Variants in NBAS observed in about 807,000 individuals in gnomAD.
NBAS encodes the protein NBAS subunit of NRZ tethering complex, also known as NAG/BC035112 fusion.
NBAS carries 219 observed loss-of-function variants against 302.5 expected under a neutral mutation model. The observed-to-expected ratio is 0.72, with a 90% CI of 0.65 to 0.81. NBAS has a LOEUF of 0.81. Ranked by LOEUF, NBAS falls within the 30% of genes least tolerant of loss-of-function variation. NBAS has a pLI of 0.00. For synonymous variants in NBAS, 1,118 were observed against 1,021.6 expected (o/e 1.09, Z -1.80); for missense variants, 2,932 against 2,841.6 (o/e 1.03, Z -0.72).
At chr2:15,084,858 A>T in the NBAS span, among the ~76,000 whole-genome samples, 2 of 152,234 alleles carry the variant, frequency 1.3e-5, no homozygotes, top group Non-Finnish European at 2.9e-5. Context: ...AACCACTTGA[A>T]AGGTATTCAT....
intron 4 of NBAS, 126 bp downstream of exon 4, chr2:15,553,935 G>A: frequency 1.5e-6 from 1 of 677,850 alleles, no homozygotes; most frequent in Admixed American, 2.4e-5. Flanking sequence ...CTAAATATTT[G>A]CAACAAAGAA....
At chr2:15,323,560 A>C (rs2148209828) in intron 38 of NBAS, among the ~76,000 whole-genome samples, 1 of 152,288 alleles carries the variant, frequency 6.6e-6, no homozygotes, top group East Asian at 1.9e-4. Flanking sequence ...TCTCTAGAAA[A>C]AACTTGATGT....
At chr2:15,389,761 T>C (rs980070278) in intron 28 of NBAS, among the ~76,000 whole-genome samples, 1 of 152,162 alleles carries the variant, frequency 6.6e-6, no homozygotes, top group Admixed American at 6.6e-5. Context: ...ACAAGTCTTT[T>C]TTGTTGTTGT....
rs750232040 is a variant in NBAS, at chr2:15,232,728, CAT to C, written c.6147-219_6147-218del. Among the ~76,000 whole-genome samples the C allele has an allele frequency of 1.1e-3, 165 of 152,304 alleles. 1 individual carries two copies. Among genetic ancestry groups the C allele is most frequent in the East Asian group, 1.5e-3 (8 of 5,178 alleles). On this transcript the variant is annotated intron_variant, in intron 46 of 51. Transcript: ENST00000281513. Reference sequence around the variant, plus strand: ...CTTAAGGAGCTCAGTCTAATATACACATGTTTTCCTATCAAGAGAATAACACA... The same window carrying C: ...CTTAAGGAGCTCAGTCTAATATACACGTTTTCCTATCAAGAGAATAACACA...
the NBAS span, among the ~76,000 whole-genome samples, chr2:15,160,948 A>G: frequency 1.3e-5 from 2 of 152,198 alleles, no homozygotes; most frequent in South Asian, 2.1e-4. Context: ...TCCTGGATAC[A>G]TGGGGTGGAT....
At chr2:15,198,450 A>G (rs1327844451) in intron 48 of NBAS, among the ~76,000 whole-genome samples, 1 of 152,168 alleles carries the variant, frequency 6.6e-6, no homozygotes, top group African/African-American at 2.4e-5. Context: ...GCATTTGGAC[A>G]TGTAGAGGTA....
Position 15,277,094 on chromosome 2 carries a change from T to C in NBAS, c.5146A>G (p.Thr1716Ala), listed in dbSNP as rs776640009. The C allele has an allele frequency of 3.7e-6, 6 of 1,613,546 alleles. No homozygotes were observed. The African/African-American group carries it at 8.0e-5, about 22-fold the overall frequency. The part of the protein sequence containing the change: ...EFLFTDSGLS[T>A]LEIENRAQDL... Reference sequence around the variant, plus strand: ...TGGGCTCTATTTTCAATTTCTAGTGTGGACAAACTGAAATTAAGAGCCAAA... The same window carrying C: ...TGGGCTCTATTTTCAATTTCTAGTGCGGACAAACTGAAATTAAGAGCCAAA... The change falls in exon 43 of 52, where the codon ACA becomes GCA. Residue 1716 changes from threonine to alanine, a missense_variant. Thr to Ala is a moderately conservative substitution (Grantham distance 58). Transcript: ENST00000281513.
the NBAS span, among the ~76,000 whole-genome samples, chr2:15,030,751 C>T: frequency 1.8e-3 from 268 of 152,322 alleles, no homozygotes; most frequent in African/African-American, 6.1e-3. Flanking sequence ...ATTGGGGTCA[C>T]ACATTCTTTG....
At chr2:15,258,384 G>A (rs534594211) in intron 44 of NBAS, among the ~76,000 whole-genome samples, 10 of 152,314 alleles carry the variant, frequency 6.6e-5, no homozygotes, top group Admixed American at 1.3e-4. Context: ...CTGACTGCCT[G>A]TGGGGTTGGG....
At chr2:15,187,546 T>G (rs1006402132) in intron 49 of NBAS, among the ~76,000 whole-genome samples, 7 of 152,144 alleles carry the variant, frequency 4.6e-5, no homozygotes, top group African/African-American at 9.7e-5. Flanking sequence ...TTTCCTTGTA[T>G]TGGAAACATA....
intron 47 of NBAS, among the ~76,000 whole-genome samples, chr2:15,225,357 C>T (rs1011285532): frequency 1.3e-5 from 2 of 152,084 alleles, no homozygotes; most frequent in African/African-American, 2.4e-5. Flanking sequence ...TGGATTGTGA[C>T]GACAGCTTTC....
intron 35 of NBAS, among the ~76,000 whole-genome samples, chr2:15,334,194 TTC>T (rs1185769289): frequency 1.3e-5 from 1 of 79,550 alleles, no homozygotes; most frequent in African/African-American, 6.0e-5. Context: ...CCTTTTTCTT[TTC>T]TTTTTTTTTT....
chr2:15,473,622 G>A (rs1292400497), intron 15 of NBAS, among the ~76,000 whole-genome samples: 1 of 152,120 alleles, frequency 6.6e-6, no homozygotes. Flanking sequence ...GAACAACCCG[G>A]CTTCTAGTCC....
the NBAS span, among the ~76,000 whole-genome samples, chr2:15,122,410 A>C: frequency 2.3e-4 from 35 of 152,078 alleles, no homozygotes; most frequent in Admixed American, 1.4e-3. Context: ...GAAGTCCCAG[A>C]CTCTTTTAAA....
chr2:14,843,510 A>G, the NBAS span, among the ~76,000 whole-genome samples: 6 of 151,848 alleles, frequency 4.0e-5, no homozygotes, highest in Non-Finnish European at 8.8e-5. Flanking sequence ...GGCTCCACTG[A>G]TCATCCTCCC....
the NBAS span, among the ~76,000 whole-genome samples, chr2:14,986,991 C>A: frequency 6.6e-6 from 1 of 151,966 alleles, no homozygotes; most frequent in South Asian, 2.1e-4. Flanking sequence ...ATTAGTTTAT[C>A]TCCTTGATTC....
rs1187066344 is a variant in NBAS, at chr2:15,287,198, A to G, written c.5028-15T>C. On this transcript the variant is annotated splice_polypyrimidine_tract_variant and intron_variant, in intron 41 of 51. Coordinates refer to ENST00000281513, the MANE Select transcript of NBAS (RefSeq NM_015909.4). Reference sequence around the variant, plus strand: ...CCTCTAGAGTTCTGCAGAAATGTCCATCAAGCCCAGGAAGGGAGAGAGGAG... The same window carrying G: ...CCTCTAGAGTTCTGCAGAAATGTCCGTCAAGCCCAGGAAGGGAGAGAGGAG... 6.3e-7 allele frequency: 1 copy of G among 1,599,484 alleles called. No individual in the cohort carries two copies. The highest frequency in any genetic ancestry group is 1.3e-5 in the African/African-American group (1 of 74,576).
intron 38 of NBAS, among the ~76,000 whole-genome samples, chr2:15,316,992 T>A (rs1671545460): frequency 6.6e-6 from 1 of 152,136 alleles, no homozygotes; most frequent in Non-Finnish European, 1.5e-5. Flanking sequence ...AGACACTTCA[T>A]ACAGGGGGTG....
At chr2:15,505,730 T>C (rs1661814565) in intron 10 of NBAS, among the ~76,000 whole-genome samples, 1 of 152,080 alleles carries the variant, frequency 6.6e-6, no homozygotes, top group African/African-American at 2.4e-5. Context: ...AGTCAACACG[T>C]GTCAACAAAG....
Sources: gnomAD v4.1 joint callset for allele counts (sites outside exome capture counted in the v4.1 genomes callset) on GRCh38, gnomAD v4.1.1 for gene constraint, MANE v1.5 for transcripts, NCBI Gene and HGNC (gene_info 2026-07-23, HGNC 2026-07-21) for gene names.